Variants in FSD1L observed in about 807,000 individuals in gnomAD.
The protein encoded by FSD1L is FSD1-like protein.
FSD1L carries 45 observed loss-of-function variants against 71.6 expected under a neutral mutation model. The ratio of observed to expected loss-of-function variants is 0.63; its 90% CI spans 0.49 to 0.81. The LOEUF (loss-of-function observed/expected upper bound fraction) is 0.81. Ranked by LOEUF, FSD1L falls within the 30% of genes least tolerant of loss-of-function variation. The pLI, the probability that FSD1L is intolerant of heterozygous loss-of-function variation, is 0.00. For missense variants in FSD1L, 561 were observed against 618.1 expected, an observed-to-expected ratio of 0.91 and a Z score of 0.98; for synonymous variants, 197 against 207.2, an observed-to-expected ratio of 0.95 and a Z score of 0.42.
chr9:105,505,758 G>A (rs1834018276), intron 7 of FSD1L, among the ~76,000 whole-genome samples: 1 of 152,084 alleles, frequency 6.6e-6, no homozygotes, highest in South Asian at 2.1e-4. Flanking sequence ...CTTTTCTTTA[G>A]CAGTAAAATG....
intron 7 of FSD1L, among the ~76,000 whole-genome samples, chr9:105,503,199 T>A (rs188838298): frequency 1.3e-5 from 2 of 152,278 alleles, no homozygotes; most frequent in Admixed American, 1.3e-4. Flanking sequence ...AAAAATGTAG[T>A]AGGTTTTAAA....
At chr9:105,531,601 T>C (rs1564145912) in intron 10 of FSD1L, among the ~76,000 whole-genome samples, 1 of 152,254 alleles carries the variant, frequency 6.6e-6, no homozygotes, top group Non-Finnish European at 1.5e-5. Context: ...TAATTAAAAC[T>C]GTGTTCATTT....
chr9:105,442,729 A>G, the FSD1L span, among the ~76,000 whole-genome samples: 4 of 151,980 alleles, frequency 2.6e-5, no homozygotes, highest in Admixed American at 2.0e-4. Context: ...GTACCCTTCC[A>G]GTGCCTGAAT....
At chr9:105,481,183 C>CTTT (rs1169730136) in intron 6 of FSD1L, among the ~76,000 whole-genome samples, 3 of 28,764 alleles carry the variant, frequency 1.0e-4, no homozygotes, top group East Asian at 1.0e-3. Context: ...GTGTGTGGTT[C>CTTT]TTTTTTTTTT....
At chr9:105,530,840 G>T (rs1835845835) in intron 10 of FSD1L, 1 of 423,954 alleles carries the variant, frequency 2.4e-6, no homozygotes, top group African/African-American at 2.0e-5. Flanking sequence ...GAAGATACAG[G>T]TGTTCCTTAA....
upstream of FSD1L, among the ~76,000 whole-genome samples, chr9:105,445,171 T>A (rs1761436621): frequency 6.6e-6 from 1 of 152,144 alleles, no homozygotes; most frequent in African/African-American, 2.4e-5. Context: ...ATGGGAGAAC[T>A]TGTACAAACT....
At chr9:105,530,619 G>T in intron 10 of FSD1L, 1 of 677,434 alleles carries the variant, frequency 1.5e-6, no homozygotes. Flanking sequence ...CTTTCTATTT[G>T]TTGCCCTGAG....
intron 10 of FSD1L, chr9:105,526,132 A>G (rs1564140971): frequency 5.8e-6 from 9 of 1,561,144 alleles, no homozygotes; most frequent in Middle Eastern, 1.8e-4. Context: ...TGATGGTGCT[A>G]TTGTGAATGG....
At position 105,535,384 on chromosome 9, in the gene FSD1L, A is replaced by G. The variant is rs1836203491; in HGVS notation, c.1378+66A>G. The G allele has an allele frequency of 4.7e-6, 7 of 1,475,214 alleles. No homozygotes were observed. In the East Asian group the frequency reaches 1.7e-4, roughly 36 times the overall value. The allele number at this position is 1,475,214 out of a possible 1,614,324, so 91.4% of individuals were successfully genotyped here. A position where few individuals can be genotyped will look rare whatever the true frequency, so the allele number is the denominator to read the frequency against. ...TGCATTTCAGTACCTTTCACTGGTA[A>G]TCATCTATACAGGATTTCCATTAGT... On this transcript the variant is annotated intron_variant, in intron 12 of 13. Transcript: ENST00000481272.
In FSD1L at chr9:105,505,494, C is replaced by T. The variant is rs555509984; in HGVS notation, c.587-905C>T. On this transcript the variant is annotated intron_variant, in intron 7 of 13. Coordinates refer to ENST00000481272, the MANE Select transcript of FSD1L (RefSeq NM_001145313.3). ...CAGGCTGGTCTCGAACTCCTGACCT[C>T]GTGATCTGCCTGCCTTGGCCTCCCA... Among the ~76,000 whole-genome samples the T allele has an allele frequency of 6.6e-5, 10 of 152,182 alleles. 1 individual carries two copies. In the South Asian group the frequency reaches 1.2e-3, roughly 19 times the overall value.
chr9:105,461,519 G>T lies in FSD1L; in HGVS notation c.16-1G>T. On this transcript the variant is annotated splice_acceptor_variant, in intron 1 of 13. Transcript: ENST00000481272. LOFTEE classifies it high-confidence loss of function. ...GCTCCTACTGTATTTATATTGGACA[G>T]TACTGCTTTAAGGAGAATGAAAACG... 6.5e-7 allele frequency: 1 copy of T among 1,541,582 alleles called. No individual in the cohort carries two copies. Among genetic ancestry groups the T allele is most frequent in the South Asian group, 1.2e-5 (1 of 83,654 alleles).
At chr9:105,484,148 T>C (rs929309309) in intron 6 of FSD1L, among the ~76,000 whole-genome samples, 4 of 152,152 alleles carry the variant, frequency 2.6e-5, no homozygotes, top group Non-Finnish European at 5.9e-5. Context: ...TAATAAAAAT[T>C]GGCTGGGAGG....
intron 10 of FSD1L, chr9:105,513,480 G>T: frequency 1.6e-6 from 1 of 615,880 alleles, no homozygotes; most frequent in South Asian, 2.6e-5. Context: ...ATGCCATTGT[G>T]AGTTACAGTA....
intron 7 of FSD1L, among the ~76,000 whole-genome samples, chr9:105,498,795 T>A (rs1833585835): frequency 6.6e-6 from 1 of 152,190 alleles, no homozygotes; most frequent in African/African-American, 2.4e-5. Flanking sequence ...GTGTGGTTTT[T>A]ATATTTTTAG....
chr9:105,524,260 C>G (rs1008494069), intron 10 of FSD1L: 109 of 1,612,332 alleles, frequency 6.8e-5, no homozygotes, highest in Non-Finnish European at 8.3e-5. Context: ...GCCCACGTAG[C>G]TTGTAACATG....
At chr9:105,531,330 T>C (rs529275713) in intron 10 of FSD1L, among the ~76,000 whole-genome samples, 1 of 152,306 alleles carries the variant, frequency 6.6e-6, no homozygotes, top group South Asian at 2.1e-4. Context: ...TGATTACACA[T>C]TTACTTTAAC....
intron 6 of FSD1L, among the ~76,000 whole-genome samples, chr9:105,480,500 C>T (rs1301382441): frequency 6.6e-6 from 1 of 152,184 alleles, no homozygotes; most frequent in Non-Finnish European, 1.5e-5. Flanking sequence ...CTATTTTGCC[C>T]AGGCTGGTCT....
intron 5 of FSD1L, among the ~76,000 whole-genome samples, chr9:105,477,504 G>A (rs763054951): frequency 4.6e-5 from 7 of 152,182 alleles, no homozygotes; most frequent in Middle Eastern, 3.2e-3. Context: ...CAAGCAAGCT[G>A]TGAGAAAAAG....
upstream of FSD1L, among the ~76,000 whole-genome samples, chr9:105,442,876 T>C (rs1317289004): frequency 6.6e-6 from 1 of 152,206 alleles, no homozygotes; most frequent in Non-Finnish European, 1.5e-5. Flanking sequence ...TGAATGGAAA[T>C]CCATCTTCCT....
Sources: allele counts gnomAD v4.1 joint callset (sites outside exome capture counted in the v4.1 genomes callset), GRCh38; gene constraint gnomAD v4.1.1; transcripts MANE v1.5; gene names NCBI Gene and HGNC (gene_info 2026-07-23, HGNC 2026-07-21).